The following STAB1 variants were observed in gnomAD, a reference collection of about 807,000 sequenced individuals.
STAB1 encodes stabilin-1.
A neutral mutation model predicts 332.4 loss-of-function variants in STAB1; 250 were observed. The ratio of observed to expected loss-of-function variants is 0.75; its 90% confidence interval spans 0.68 to 0.84. STAB1 has a LOEUF of 0.84. STAB1 is among the 40% of genes least tolerant of loss of function. The probability of loss-of-function intolerance (pLI) is 0.00; values close to 1 mark genes in which losing one functional copy is unlikely to be tolerated. For synonymous variants in STAB1, 1,475 were observed against 1,390.4 expected (o/e 1.06, Z -1.35); for missense variants, 3,249 against 3,489.7 (o/e 0.93, Z 1.74).
chr3:52,514,951 GCCTGGACTGCCTGATGCCCCACCCTTTTT>G lies in STAB1; in HGVS notation c.3808-35_3808-7del. 1 of 1,612,848 alleles carries G rather than the reference GCCTGGACTGCCTGATGCCCCACCCTTTTT, an allele frequency of 6.2e-7. No homozygotes were observed. Among genetic ancestry groups the G allele is most frequent in the Non-Finnish European group, 8.5e-7 (1 of 1,179,722 alleles). ...TCCTGGAGGAAGGGCAGGGATCCAG[GCCTGGACTGCCTGATGCCCCACCCTTTTT>G]CCCTCTAGGAGAAATGTGTAAACTG... On this transcript the variant is annotated splice_polypyrimidine_tract_variant and intron_variant, in intron 35 of 68. Transcript: ENST00000321725.
At position 52,512,774 on chromosome 3, in the gene STAB1, A is replaced by C. The variant is rs201103273; in HGVS notation, c.3028-54A>C. ...CTGGAGCCTAGAGCAGGGGATCTGA[A>C]GATGATGGCTGCCTTCCTCGCTCCT... is the stretch of plus-strand genomic sequence containing the variant. On this transcript the variant is annotated intron_variant, in intron 28 of 68. Transcript: ENST00000321725. 4.2e-4 allele frequency: 667 copies of C among 1,605,820 alleles called. 2 individuals carry two copies. The African/African-American group carries it at 7.9e-3, about 19-fold the overall frequency.
At position 52,495,387 on chromosome 3, in the gene STAB1, CTG is replaced by C. The variant is rs1422730465; in HGVS notation, c.-25_-24del. 2.3e-6 allele frequency: 3 copies of C among 1,320,396 alleles called. No homozygotes were observed. Among genetic ancestry groups the C allele is most frequent in the Non-Finnish European group, 2.9e-6 (3 of 1,027,136 alleles). 81.8% of individuals were successfully genotyped at this position (1,320,396 alleles called of 1,614,324 possible). A position where few individuals can be genotyped will look rare whatever the true frequency, so the allele number is the denominator to read the frequency against. On this transcript the variant is annotated 5_prime_UTR_variant, in exon 1 of 69. Coordinates refer to ENST00000321725, the MANE Select transcript of STAB1 (RefSeq NM_015136.3). ...AGAGCTCATTCCCTACGCCCCGACTCTGTCCTGGACAGCGTGCCCACCAGCCA... is the reference window on the plus strand; with the variant it reads ...AGAGCTCATTCCCTACGCCCCGACTCTCCTGGACAGCGTGCCCACCAGCCA...
At position 52,517,998 on chromosome 3, in the gene STAB1, G is replaced by A. The variant is rs139654293; in HGVS notation, c.4756G>A (p.Gly1586Ser). 7.4e-5 allele frequency: 119 copies of A among 1,602,784 alleles called. No homozygotes were observed. Among genetic ancestry groups the A allele is most frequent in the Non-Finnish European group, 9.2e-5 (108 of 1,176,536 alleles). Residue 1586 changes from glycine (G) to serine (S), a missense_variant, in exon 45 of 69, where the codon GGC (glycine) becomes AGC (serine). Physicochemically the swap from Gly to Ser is moderately conservative, Grantham distance 56. Coordinates refer to ENST00000321725, the MANE Select transcript of STAB1 (RefSeq NM_015136.3). ...GDGLTCRARVGLELLRDKHAS... is the reference protein window; with the variant it reads ...GDGLTCRARVSLELLRDKHAS... ...CGGCCTCACCTGCCGTGCCCGAGTC[G>A]GCCTGGTAATGATGCCCAAGTCAGA...
At chr3:52,518,174 C>T (rs2078939649) in intron 45 of STAB1, 138 bp from the exon 46 acceptor site, 2 of 1,501,650 alleles carry the variant, frequency 1.3e-6, no homozygotes, top group South Asian at 2.5e-5. Flanking sequence ...ATGAAACTAG[C>T]CCTGACCCCA....
Position 52,518,853 on chromosome 3 carries a change from G to A in STAB1, c.5018G>A (p.Arg1673His). ...YATALSGHPL[R>H]FSEREGSIYL... ...ACGGCCCTCTCAGGGCACCCACTGCGCTTCAGCGAGAGGGAGGTGAGCCCT... is the reference window on the plus strand; with the variant it reads ...ACGGCCCTCTCAGGGCACCCACTGCACTTCAGCGAGAGGGAGGTGAGCCCT... Residue 1673 changes from arginine (R) to histidine (H), a missense_variant, in exon 48 of 69, where the codon CGC becomes CAC. By Grantham distance (29) the Arg-to-His change is conservative. Coordinates refer to ENST00000321725, the MANE Select transcript of STAB1 (RefSeq NM_015136.3). 1 of 1,597,504 alleles carries A rather than the reference G, an allele frequency of 6.3e-7. No homozygotes were observed. Among genetic ancestry groups the A allele is most frequent in the Non-Finnish European group, 8.5e-7 (1 of 1,175,720 alleles).
chr3:52,508,448 A>G, intron 21 of STAB1, 89 bp downstream of exon 21: 2 of 1,242,296 alleles, frequency 1.6e-6, no homozygotes, highest in South Asian at 1.2e-5. Context: ...GTCTGGGCCA[A>G]GCCTGCCACT....
rs1196098860 is a variant in STAB1 at position 52,523,278 on chromosome 3, GGAT to G, written c.7083_7085del (p.Asp2361del). ...GGGGTCTCGACTTCCTGGACTTCCT[GGAT>G]GATGAGCTCACGTATAAGACACTCT... is the stretch of plus-strand genomic sequence containing the variant. On this transcript the variant is annotated inframe_deletion, in exon 64 of 69. Coordinates refer to ENST00000321725, the MANE Select transcript of STAB1 (RefSeq NM_015136.3). 9.9e-6 allele frequency: 16 copies of G among 1,613,134 alleles called. No individual in the cohort carries two copies. Among genetic ancestry groups the G allele is most frequent in the East Asian group, 2.2e-5 (1 of 44,888 alleles).
chr3:52,504,710 T>A lies in STAB1; in HGVS notation c.1240-29T>A, dbSNP rs756374734. The A allele has an allele frequency of 3.1e-6, 5 of 1,613,476 alleles. No homozygotes were observed. In the Admixed American group the frequency reaches 8.3e-5, roughly 27 times the overall value. On this transcript the variant is annotated intron_variant, in intron 11 of 68. Coordinates refer to ENST00000321725, the MANE Select transcript of STAB1 (RefSeq NM_015136.3). The stretch of plus-strand genomic sequence containing the variant: ...GTGTGAAGAGGACTGGCCCCCCGGC[T>A]CACTTTGCTCCCCGCCTTGCGTCTG...
intron 18 of STAB1, 85 bp downstream of exon 18, chr3:52,506,935 T>C: frequency 1.3e-6 from 2 of 1,556,134 alleles, no homozygotes; most frequent in South Asian, 2.4e-5. Flanking sequence ...GGAGAGGCGC[T>C]AAGTCAGGGC....
Position 52,506,218 on chromosome 3 carries a change from A to G in STAB1, c.1798A>G (p.Asn600Asp), listed in dbSNP as rs1708850951. The G allele has an allele frequency of 6.2e-7, 1 of 1,612,902 alleles. No homozygotes were observed. The highest frequency in any genetic ancestry group is 1.3e-5 in the African/African-American group (1 of 74,924). The change falls in exon 17 of 69, where the codon AAC (asparagine) becomes GAC (aspartate). Residue 600 changes from asparagine (N) to aspartate (D), a missense_variant. Transcript: ENST00000321725. ...CAAGGGTCGGATCCTCACCATGGCGAACCAGGTCCTGGCTGTGAACATTTC... is the reference window on the plus strand; with the variant it reads ...CAAGGGTCGGATCCTCACCATGGCGGACCAGGTCCTGGCTGTGAACATTTC... ...ISKGRILTMA[N>D]QVLAVNISEE... is the part of the protein sequence containing the mutation.
chr3:52,516,939 G>A (rs759747806), intron 41 of STAB1, 45 bp from the exon 42 acceptor site: 20 of 1,607,934 alleles, frequency 1.2e-5, no homozygotes, highest in Admixed American at 1.7e-5. Flanking sequence ...TCCTGCCTCC[G>A]GCCCCGTGCC....
Position 52,507,966 on chromosome 3 carries a change from C to T in STAB1, c.2088C>T (p.Asp696=). ...IFPKECVYIH[D]PTGLNVLKKG... ...CCAAGGAGTGTGTCTACATCCATGA[C>T]CCAACGGGGCTCAATGTGCTAAAGA... Residue 696 remains aspartate, a synonymous_variant, in exon 20 of 69, where the codon GAC becomes GAT. Coordinates refer to ENST00000321725, the MANE Select transcript of STAB1 (RefSeq NM_015136.3). 2 of 1,613,676 alleles carry T rather than the reference C, an allele frequency of 1.2e-6. No homozygotes were observed. Among genetic ancestry groups the T allele is most frequent in the Non-Finnish European group, 1.7e-6 (2 of 1,179,970 alleles).
In STAB1 at chr3:52,503,814, A is replaced by C. The variant is rs969086775; in HGVS notation, c.934A>C (p.Asn312His). The C allele has an allele frequency of 1.2e-5, 20 of 1,613,076 alleles. No individual in the cohort carries two copies. The highest frequency in any genetic ancestry group is 1.7e-5 in the Non-Finnish European group (20 of 1,180,022). ...CRPGLVSINSNASAGCFAFCS... is the reference protein window; with the variant it reads ...CRPGLVSINSHASAGCFAFCS... ...GCCAGGCCTGGTCAGCATCAACAGCAACGCTTCTGCGGGCTGCTTCGCCTT... is the reference window on the plus strand; with the variant it reads ...GCCAGGCCTGGTCAGCATCAACAGCCACGCTTCTGCGGGCTGCTTCGCCTT... The change falls in exon 9 of 69, where the codon AAC becomes CAC. Residue 312 changes from asparagine to histidine, a missense_variant. By Grantham distance (68) the Asn-to-His change is moderately conservative. Transcript: ENST00000321725.
rs1300588734 is a variant in STAB1 at position 52,504,050 on chromosome 3, G to A, written c.1045G>A (p.Val349Met). The change falls in exon 10 of 69, where the codon GTG becomes ATG. Residue 349 changes from valine (V) to methionine (M), a missense_variant. Transcript: ENST00000321725. ...KTSCVCRESE[V>M]GDGRACYGHL... The stretch of plus-strand genomic sequence containing the variant: ...CAGCTGTGTGTGCAGGGAAAGCGAG[G>A]TGGGGGATGGGCGTGCCTGCTACGG... 1 of 1,594,662 alleles carries A rather than the reference G, an allele frequency of 6.3e-7. No individual in the cohort carries two copies. Among genetic ancestry groups the A allele is most frequent in the Non-Finnish European group, 8.5e-7 (1 of 1,170,748 alleles).
Position 52,507,998 on chromosome 3 carries a change from G to C in STAB1, c.2120G>C (p.Cys707Ser). 3 of 1,613,654 alleles carry C rather than the reference G, an allele frequency of 1.9e-6. No individual in the cohort carries two copies. In the South Asian group the frequency reaches 3.3e-5, roughly 18 times the overall value. Residue 707 changes from cysteine to serine, a missense_variant, in exon 20 of 69, where the codon TGT becomes TCT. Transcript: ENST00000321725. ...GGGCTCAATGTGCTAAAGAAGGGCT[G>C]TGCCAGCTACTGCAACCAAACCATC... ...PTGLNVLKKG[C>S]ASYCNQTIME...
At chr3:52,507,282 T>G (rs991673356) in intron 18 of STAB1, among the ~76,000 whole-genome samples, 1 of 152,188 alleles carries the variant, frequency 6.6e-6, no homozygotes, top group African/African-American at 2.4e-5. Flanking sequence ...TGACCTCAGG[T>G]GATCCGCCCA....
Position 52,520,263 on chromosome 3 carries a change from C to T in STAB1, c.5472C>T (p.Ile1824=). 6.2e-7 allele frequency: 1 copy of T among 1,613,172 alleles called. No homozygotes were observed. Among genetic ancestry groups the T allele is most frequent in the Non-Finnish European group, 8.5e-7 (1 of 1,180,040 alleles). ...TTCGAACCATGCATGGGACCCCCAT[C>T]TCTTTCTCCTGCAGCCGAACGCGGG... ...GPLRTMHGTP[I]SFSCSRTRAG... Residue 1824 remains isoleucine, a synonymous_variant, in exon 52 of 69, where the codon ATC becomes ATT. Coordinates refer to ENST00000321725, the MANE Select transcript of STAB1 (RefSeq NM_015136.3).
rs1370095167 is a variant in STAB1, at chr3:52,519,311, T to C, written c.5082T>C (p.His1694=). 2.5e-6 allele frequency: 4 copies of C among 1,613,046 alleles called. 1 individual carries two copies. In the South Asian group the frequency reaches 3.3e-5, roughly 13 times the overall value. ...NDFARVVSSD[H]EAVNGILHFI... ...TCGCGCGCGTGGTGAGCAGCGACCA[T>C]GAGGCCGTGAACGGCATCCTGCACT... Residue 1694 remains histidine, a synonymous_variant, in exon 49 of 69, where the codon CAT becomes CAC. Coordinates refer to ENST00000321725, the MANE Select transcript of STAB1 (RefSeq NM_015136.3).
rs772123850 is a variant in STAB1, at chr3:52,516,214, C to T, written c.4120C>T (p.Arg1374Cys). The change falls in exon 38 of 69, where the codon CGC becomes TGC. Residue 1374 changes from arginine to cysteine, a missense_variant. Physicochemically the swap from Arg to Cys is radical, Grantham distance 180 (BLOSUM62 -3). Coordinates refer to ENST00000321725, the MANE Select transcript of STAB1 (RefSeq NM_015136.3). ...GGCCTGTGAGGTGTGTGAGCTGGGC[C>T]GCTACGGGCCCAACTGCACCGGAGG... ...GTACEVCELG[R>C]YGPNCTGVCD... 11 of 1,611,862 alleles carry T rather than the reference C, an allele frequency of 6.8e-6. No individual in the cohort carries two copies. The highest frequency in any genetic ancestry group is 1.6e-4 in the Middle Eastern group (1 of 6,076).
Sources: allele counts gnomAD v4.1 joint callset (sites outside exome capture counted in the v4.1 genomes callset), GRCh38; gene constraint gnomAD v4.1.1; transcripts MANE v1.5; gene names NCBI Gene and HGNC (gene_info 2026-07-23, HGNC 2026-07-21).